Variants in RCHY1 observed in about 807,000 individuals in gnomAD.
RCHY1 encodes the protein RING finger and CHY zinc finger domain-containing protein 1.
Under a neutral mutation model 41.6 loss-of-function variants are expected in RCHY1, and 21 were observed. The ratio of observed to expected loss-of-function variants is 0.51; its 90% CI spans 0.36 to 0.73. The LOEUF is 0.73. RCHY1 is among the 30% of genes least tolerant of loss of function. The pLI, the probability that RCHY1 is intolerant of heterozygous loss-of-function variation, is 0.00. For missense variants in RCHY1, 265 were observed against 325.3 expected, an observed-to-expected ratio of 0.81 and a Z score of 1.43; for synonymous variants, 79 against 102.9, an observed-to-expected ratio of 0.77 and a Z score of 1.41.
chr4:75,508,199 G>C (rs1724514413), intron 3 of RCHY1, among the ~76,000 whole-genome samples: 1 of 152,086 alleles, frequency 6.6e-6, no homozygotes, highest in Non-Finnish European at 1.5e-5. Flanking sequence ...AACACCTTGG[G>C]CTTTGACAGT....
chr4:75,506,126 C>A (rs1247178853), intron 3 of RCHY1, among the ~76,000 whole-genome samples: 16 of 117,836 alleles, frequency 1.4e-4, no homozygotes, highest in South Asian at 2.8e-4. Flanking sequence ...TAGAACAGGA[C>A]ATACAAAAAA....
At chr4:75,499,346 C>T (rs971080423) in intron 3 of RCHY1, among the ~76,000 whole-genome samples, 3 of 152,120 alleles carry the variant, frequency 2.0e-5, no homozygotes, top group Non-Finnish European at 2.9e-5. Context: ...TTAATACAGC[C>T]ACTGTGGCAA....
intron 7 of RCHY1, 93 bp downstream of exon 7, chr4:75,491,518 T>C (rs186849699): frequency 3.8e-5 from 42 of 1,114,132 alleles, no homozygotes; most frequent in African/African-American, 2.1e-4. Context: ...ATGCCCAATA[T>C]AGTATAAGTA....
intron 8 of RCHY1, among the ~76,000 whole-genome samples, chr4:75,487,335 G>A (rs1224101305): frequency 2.7e-5 from 4 of 150,522 alleles, no homozygotes; most frequent in South Asian, 2.1e-4. Flanking sequence ...TTTGTCTCAC[G>A]CTGTCTCAGG....
chr4:75,488,934 G>A (rs1212721567), intron 8 of RCHY1, among the ~76,000 whole-genome samples: 1 of 152,118 alleles, frequency 6.6e-6, no homozygotes, highest in Non-Finnish European at 1.5e-5. Context: ...AATTAGCCAG[G>A]TGTGGTGGCG....
intron 3 of RCHY1, among the ~76,000 whole-genome samples, chr4:75,504,514 A>G (rs976001481): frequency 7.9e-5 from 12 of 152,344 alleles, no homozygotes; most frequent in African/African-American, 2.6e-4. Flanking sequence ...ATAGTATATA[A>G]TACATATAAC....
chr4:75,487,757 AATATATATATTC>A (rs1274999285), intron 8 of RCHY1, among the ~76,000 whole-genome samples: 1 of 29,182 alleles, frequency 3.4e-5, no homozygotes. Flanking sequence ...ATATATTCAT[AATATATATATTC>A]ATATATATAT....
At chr4:75,490,127 C>T (rs1722615631) in intron 8 of RCHY1, among the ~76,000 whole-genome samples, 1 of 151,794 alleles carries the variant, frequency 6.6e-6, no homozygotes, top group Non-Finnish European at 1.5e-5. Flanking sequence ...TGTGTGCACT[C>T]CATAAAAATA....
At chr4:75,503,917 A>G (rs1287888983) in intron 3 of RCHY1, among the ~76,000 whole-genome samples, 2 of 152,226 alleles carry the variant, frequency 1.3e-5, no homozygotes. Context: ...AGTACTTAAA[A>G]GGAAACAGAT....
intron 3 of RCHY1, among the ~76,000 whole-genome samples, chr4:75,508,181 G>A (rs1351349337): frequency 6.6e-6 from 1 of 152,064 alleles, no homozygotes; most frequent in East Asian, 1.9e-4. Context: ...AGAAAGGACT[G>A]AACACGGAAC....
Position 75,494,187 on chromosome 4 carries a change from A to C in RCHY1, c.327-8T>G. On this transcript the variant is annotated splice_polypyrimidine_tract_variant and splice_region_variant and intron_variant, in intron 3 of 8. Coordinates refer to ENST00000324439, the MANE Select transcript of RCHY1 (RefSeq NM_015436.4). ...TCTTCCTTTGGACCAATCCTAGCAA[A>C]ACACATGAAAGCCAAAAGATTAGAT... 1 of 1,542,476 alleles carries C rather than the reference A, an allele frequency of 6.5e-7. No individual in the cohort carries two copies. The highest frequency in any genetic ancestry group is 8.8e-7 in the Non-Finnish European group (1 of 1,139,710).
chr4:75,492,038 ATAGCTAACAT>A, intron 4 of RCHY1, 105 bp from the exon 5 acceptor site: 1 of 747,728 alleles, frequency 1.3e-6, no homozygotes, highest in Non-Finnish European at 2.1e-6. Context: ...ACTAAAAATA[ATAGCTAACAT>A]TAATATATGC....
chr4:75,487,426 T>C (rs1037623802), intron 8 of RCHY1, among the ~76,000 whole-genome samples: 53 of 143,920 alleles, frequency 3.7e-4, no homozygotes, highest in African/African-American at 1.2e-3. Context: ...ATATTGGCTA[T>C]ATAAATGACT....
intron 8 of RCHY1, among the ~76,000 whole-genome samples, chr4:75,488,281 C>T (rs1722435850): frequency 6.6e-6 from 1 of 151,936 alleles, no homozygotes; most frequent in Non-Finnish European, 1.5e-5. Flanking sequence ...ATGTCTTTAA[C>T]TATAACCATT....
chr4:75,487,811 A>AATATATATTCAT (rs1722349551), intron 8 of RCHY1, among the ~76,000 whole-genome samples: 1 of 43,332 alleles, frequency 2.3e-5, no homozygotes, highest in African/African-American at 1.2e-4. Context: ...ATATATTCAT[A>AATATATATTCAT]ATATATATTC....
chr4:75,507,634 T>A (rs1724456211), intron 3 of RCHY1, among the ~76,000 whole-genome samples: 1 of 151,928 alleles, frequency 6.6e-6, no homozygotes, highest in Non-Finnish European at 1.5e-5. Context: ...TACAAAAATG[T>A]CTAAATGGAA....
intron 8 of RCHY1, among the ~76,000 whole-genome samples, chr4:75,487,347 C>G (rs1722110811): frequency 6.7e-6 from 1 of 150,026 alleles, no homozygotes; most frequent in Non-Finnish European, 1.5e-5. Context: ...TGTCTCAGGA[C>G]TTTTAATTGT....
rs561118514 is a variant in RCHY1 at position 75,512,434 on chromosome 4, A to G, written c.90+1763T>C. Among the ~76,000 whole-genome samples the G allele has an allele frequency of 2.2e-3, 342 of 152,278 alleles. 2 individuals carry two copies. The highest frequency in any genetic ancestry group is 4.0e-3 in the Non-Finnish European group (271 of 68,012). On this transcript the variant is annotated intron_variant, in intron 1 of 8. Transcript: ENST00000324439. ...CTGCCTTCCCTTAGGAAGAACTGACAGTCTATGTTTCTAAGGCCAACTCCT... is the reference window on the plus strand; with the variant it reads ...CTGCCTTCCCTTAGGAAGAACTGACGGTCTATGTTTCTAAGGCCAACTCCT...
chr4:75,488,913 A>G (rs1277504919), intron 8 of RCHY1, among the ~76,000 whole-genome samples: 2 of 152,132 alleles, frequency 1.3e-5, no homozygotes, highest in Non-Finnish European at 2.9e-5. Context: ...CGACTCTACT[A>G]AAAATACAAA....
Sources: gnomAD v4.1 joint callset for allele counts (sites outside exome capture counted in the v4.1 genomes callset) on GRCh38, gnomAD v4.1.1 for gene constraint, MANE v1.5 for transcripts, NCBI Gene and HGNC (gene_info 2026-07-23, HGNC 2026-07-21) for gene names.